The following FAM81B variants were observed in gnomAD, a reference collection of about 807,000 sequenced individuals.
The protein encoded by FAM81B is protein FAM81B.
In FAM81B, 60 loss-of-function variants were observed where a neutral mutation model predicts 58.7. The observed-to-expected ratio is 1.02, with a 90% confidence interval of 0.83 to 1.27. The LOEUF is 1.27. FAM81B is among the 50% of genes most tolerant of loss of function. The pLI is 0.00. For missense variants in FAM81B, 491 were observed against 522.0 expected, an observed-to-expected ratio of 0.94 and a Z score of 0.58; for synonymous variants, 189 against 179.6, an observed-to-expected ratio of 1.05 and a Z score of -0.42.
At chr5:95,428,576 C>A in intron 5 of FAM81B, 27 bp from the exon 6 acceptor site, 3 of 1,612,942 alleles carry the variant, frequency 1.9e-6, no homozygotes, top group South Asian at 1.1e-5. Flanking sequence ...AGGTATTGAT[C>A]CACACCAATT....
In FAM81B at chr5:95,413,949, G is replaced by A. The variant is rs1418231576; in HGVS notation, c.296G>A (p.Ser99Asn). The A allele has an allele frequency of 6.2e-7, 1 of 1,612,004 alleles. No individual in the cohort carries two copies. The highest frequency in any genetic ancestry group is 1.7e-5 in the Admixed American group (1 of 59,734). The change falls in exon 4 of 10, where the codon AGT (serine) becomes AAT (asparagine). Residue 99 changes from serine (S) to asparagine (N), a missense_variant and splice_region_variant. Transcript: ENST00000283357. ...TTCCTTTTCCTTTTTCTGATCAGGA[G>A]TCATGCTTTTCTCCCCATCATTCCA... ...STDLVEYVDKSHAFLPIIPNT... is the reference protein window; with the variant it reads ...STDLVEYVDKNHAFLPIIPNT...
chr5:95,441,505 G>C (rs540438525), intron 7 of FAM81B, among the ~76,000 whole-genome samples: 17 of 152,094 alleles, frequency 1.1e-4, no homozygotes, highest in Non-Finnish European at 1.6e-4. Context: ...GGAGGTGGAG[G>C]TTGCAGTGAG....
intron 1 of FAM81B, 36 bp downstream of exon 1, chr5:95,391,549 C>G (rs2152759108): frequency 6.4e-7 from 1 of 1,570,386 alleles, no homozygotes; most frequent in Non-Finnish European, 8.6e-7. Flanking sequence ...TAAATTTCTC[C>G]TACTTCACTA....
intron 4 of FAM81B, among the ~76,000 whole-genome samples, chr5:95,414,906 A>C (rs1286396930): frequency 2.0e-5 from 3 of 152,062 alleles, no homozygotes; most frequent in Non-Finnish European, 2.9e-5. Context: ...TCTATATTTG[A>C]TTCCTGTTTG....
Position 95,450,253 on chromosome 5 carries a change from C to T in FAM81B, c.1330C>T (p.Arg444Cys), listed in dbSNP as rs201358737. Residue 444 changes from arginine (R) to cysteine (C), a missense_variant, in exon 10 of 10, where the codon CGC (arginine) becomes TGC (cysteine). By Grantham distance (180) the Arg-to-Cys change is radical. Transcript: ENST00000283357. ...KVQKDLKKLQ[R>C]KIVELQEV Reference sequence around the variant, plus strand: ...ACAGAAAGACCTAAAGAAATTACAGCGCAAGATAGTGGAACTCCAGGAAGT... The same window carrying T: ...ACAGAAAGACCTAAAGAAATTACAGTGCAAGATAGTGGAACTCCAGGAAGT... The T allele has an allele frequency of 1.7e-5, 27 of 1,612,830 alleles. No individual in the cohort carries two copies. The highest frequency in any genetic ancestry group is 5.0e-5 in the Admixed American group (3 of 59,876).
chr5:95,415,817 C>T (rs1021968085), intron 4 of FAM81B, among the ~76,000 whole-genome samples: 6 of 152,120 alleles, frequency 3.9e-5, no homozygotes, highest in African/African-American at 1.2e-4. Flanking sequence ...AGTCAAGATC[C>T]GCCCAGATGT....
At chr5:95,447,046 G>T (rs1160556539) in intron 8 of FAM81B, among the ~76,000 whole-genome samples, 1 of 152,014 alleles carries the variant, frequency 6.6e-6, no homozygotes, top group Non-Finnish European at 1.5e-5. Flanking sequence ...CACTCCCTGA[G>T]TGATGTGCAG....
chr5:95,403,589 T>G (rs575211759), intron 3 of FAM81B, among the ~76,000 whole-genome samples: 177 of 152,308 alleles, frequency 1.2e-3, no homozygotes, highest in South Asian at 1.9e-3. Flanking sequence ...TTTGGTAAAT[T>G]TAGTAGCTTC....
At chr5:95,418,411 T>G (rs567938078) in intron 4 of FAM81B, among the ~76,000 whole-genome samples, 1 of 152,316 alleles carries the variant, frequency 6.6e-6, no homozygotes, top group South Asian at 2.1e-4. Flanking sequence ...AAAAATTGTA[T>G]GCTGAGTTTG....
chr5:95,424,338 A>C, intron 5 of FAM81B: 1 of 884,948 alleles, frequency 1.1e-6, no homozygotes, highest in Non-Finnish European at 1.6e-6. Flanking sequence ...AACATAAGCA[A>C]AAGACTAGTG....
At chr5:95,392,729 T>C in intron 1 of FAM81B, 65 bp from the exon 2 acceptor site, 1 of 1,373,710 alleles carries the variant, frequency 7.3e-7, no homozygotes, top group Non-Finnish European at 1.0e-6. Flanking sequence ...TAAAAAAAAA[T>C]TAGCAGCACT....
At chr5:95,418,193 G>A (rs1204777796) in intron 4 of FAM81B, among the ~76,000 whole-genome samples, 1 of 152,160 alleles carries the variant, frequency 6.6e-6, no homozygotes, top group East Asian at 1.9e-4. Context: ...AATACTCTCT[G>A]CCCATTAGTC....
intron 4 of FAM81B, among the ~76,000 whole-genome samples, chr5:95,416,846 A>G (rs1762550678): frequency 6.6e-6 from 1 of 152,134 alleles, no homozygotes; most frequent in Non-Finnish European, 1.5e-5. Flanking sequence ...GTTTGAGAAC[A>G]GCCTGGGTAA....
chr5:95,401,632 A>G (rs773361188), intron 3 of FAM81B, among the ~76,000 whole-genome samples: 4 of 151,910 alleles, frequency 2.6e-5, no homozygotes, highest in Admixed American at 6.6e-5. Context: ...GTAACTAGTC[A>G]TATATTAGAT....
chr5:95,441,177 C>G (rs1259582664), intron 7 of FAM81B, among the ~76,000 whole-genome samples: 1 of 152,174 alleles, frequency 6.6e-6, no homozygotes, highest in African/African-American at 2.4e-5. Flanking sequence ...CTAAAACATA[C>G]AAAGAGCCTC....
intron 7 of FAM81B, chr5:95,440,032 T>C (rs1403633238): frequency 2.5e-5 from 10 of 393,830 alleles, no homozygotes; most frequent in Non-Finnish European, 4.5e-5. Flanking sequence ...AAAAGTCTTT[T>C]AACAAAGGTT....
At chr5:95,408,935 C>G (rs1374738544) in intron 3 of FAM81B, among the ~76,000 whole-genome samples, 1 of 152,152 alleles carries the variant, frequency 6.6e-6, no homozygotes, top group Non-Finnish European at 1.5e-5. Context: ...CAAACAGTAG[C>G]CACTGGCCAC....
chr5:95,436,707 AT>A, intron 6 of FAM81B, 92 bp from the exon 7 acceptor site: 2 of 833,446 alleles, frequency 2.4e-6, no homozygotes, highest in Non-Finnish European at 2.0e-6. Flanking sequence ...AAGTATATTA[AT>A]CTGTTTCCCG....
rs756134728 is a variant in FAM81B at position 95,436,859 on chromosome 5, G to A, written c.846G>A (p.Lys282=). The part of the protein sequence containing the change: ...TASSEQTSNL[K]MVQGDYRHEM... ...GTTCTGAGCAAACCTCGAATTTAAA[G>A]ATGGTCCAGGGGGATTATCGCCACG... Residue 282 remains lysine, a synonymous_variant, in exon 7 of 10, where the codon AAG becomes AAA. Coordinates refer to ENST00000283357, the MANE Select transcript of FAM81B (RefSeq NM_152548.3). 1 of 1,614,068 alleles carries A rather than the reference G, an allele frequency of 6.2e-7. No homozygotes were observed. The highest frequency in any genetic ancestry group is 8.5e-7 in the Non-Finnish European group (1 of 1,179,938).
Sources: allele counts gnomAD v4.1 joint callset (sites outside exome capture counted in the v4.1 genomes callset), GRCh38; gene constraint gnomAD v4.1.1; transcripts MANE v1.5; gene names NCBI Gene and HGNC (gene_info 2026-07-23, HGNC 2026-07-21).